Variants in HDAC1 observed in about 807,000 individuals in gnomAD.
HDAC1 encodes protein deacetylase HDAC1.
Under a neutral mutation model 65.5 loss-of-function variants are expected in HDAC1, and 18 were observed. The observed-to-expected ratio is 0.27, with a 90% CI of 0.19 to 0.41. The LOEUF (loss-of-function observed/expected upper bound fraction) is 0.41. HDAC1 is among the 10% of genes least tolerant of loss of function. The pLI, the probability that HDAC1 is intolerant of heterozygous loss-of-function variation, is 1.00. For missense variants in HDAC1, 373 were observed against 625.2 expected, an observed-to-expected ratio of 0.60 and a Z score of 4.30; for synonymous variants, 211 against 227.9, an observed-to-expected ratio of 0.93 and a Z score of 0.67.
At chr1:32,318,145 C>T (rs1641089581) in intron 3 of HDAC1, among the ~76,000 whole-genome samples, 1 of 152,158 alleles carries the variant, frequency 6.6e-6, no homozygotes, top group Admixed American at 6.6e-5. Context: ...TTTTAGGTTT[C>T]TCCATGTTAG....
intron 2 of HDAC1, among the ~76,000 whole-genome samples, chr1:32,310,011 C>T (rs551330533): frequency 6.6e-6 from 1 of 152,242 alleles, no homozygotes; most frequent in African/African-American, 2.4e-5. Flanking sequence ...GAGATCAATT[C>T]AGTCTCTCAA....
chr1:32,305,532 TTACTA>T (rs918414807), intron 2 of HDAC1, among the ~76,000 whole-genome samples: 4 of 152,284 alleles, frequency 2.6e-5, no homozygotes, highest in South Asian at 2.1e-4. Context: ...AAATGTTATC[TTACTA>T]TTATTTTAAT....
In HDAC1 at chr1:32,332,745, A is replaced by G; in HGVS notation, c.1417A>G (p.Lys473Glu). ...AACCAAGGAGGAGAAGCCAGAAGCC[A>G]AAGGGTGAGGAAGGAGCTGCCTGTG... is the stretch of plus-strand genomic sequence containing the variant. ...EKTKEEKPEAKGVKEEVKLA is the reference protein window; with the variant it reads ...EKTKEEKPEAEGVKEEVKLA The change falls in exon 13 of 14, where the codon AAA becomes GAA. Residue 473 changes from lysine (K) to glutamate (E), a missense_variant. Physicochemically the swap from Lys to Glu is moderately conservative, Grantham distance 56. Transcript: ENST00000373548. 1 of 1,554,738 alleles carries G rather than the reference A, an allele frequency of 6.4e-7. No individual in the cohort carries two copies.
intron 3 of HDAC1, among the ~76,000 whole-genome samples, chr1:32,318,236 A>G (rs1252681823): frequency 1.3e-5 from 2 of 152,146 alleles, no homozygotes; most frequent in African/African-American, 4.8e-5. Flanking sequence ...GGCCTGAGCC[A>G]CTGTGCCCGA....
At chr1:32,332,921 A>C in intron 13 of HDAC1, 96 bp from the exon 14 acceptor site, 1 of 1,343,274 alleles carries the variant, frequency 7.4e-7, no homozygotes, top group South Asian at 1.2e-5. Flanking sequence ...CCCAGCCCCC[A>C]GTAGTCACCT....
At chr1:32,315,155 G>T (rs571417728) in intron 2 of HDAC1, among the ~76,000 whole-genome samples, 2 of 152,198 alleles carry the variant, frequency 1.3e-5, no homozygotes, top group African/African-American at 4.8e-5. Context: ...AGGGAAGGAG[G>T]AGTCAGAATG....
intron 12 of HDAC1, 34 bp from the exon 13 acceptor site, chr1:32,332,667 T>C: frequency 6.5e-7 from 1 of 1,532,458 alleles, no homozygotes; most frequent in Non-Finnish European, 8.9e-7. Flanking sequence ...CCAGAGGTGC[T>C]GCCCTTGGCC....
Position 32,330,062 on chromosome 1 carries a change from A to G in HDAC1, c.730-516A>G, listed in dbSNP as rs765080040. ...ACAGTAAGAAACTGCTTAACCTAAT[A>G]AGGTCAGGTAGTCATTCAGCAAACA... On this transcript the variant is annotated intron_variant, in intron 7 of 13. Transcript: ENST00000373548. This position sits in a 1 kb window ranked among gnomAD's most constrained non-coding sequence, Gnocchi z 4.2. 1.9e-5 allele frequency: 3 copies of G among 162,122 alleles called. No homozygotes were observed. Among genetic ancestry groups the G allele is most frequent in the Admixed American group, 5.6e-5 (1 of 17,732 alleles). The allele number at this position is 162,122 out of a possible 1,614,324, so 10.0% of individuals were successfully genotyped here.
At chr1:32,332,591 T>C (rs1376400919) in intron 12 of HDAC1, 110 bp from the exon 13 acceptor site, 4 of 798,536 alleles carry the variant, frequency 5.0e-6, no homozygotes, top group Non-Finnish European at 4.1e-6. Flanking sequence ...TTTTCTCTCT[T>C]TATGTCCAGT....
At chr1:32,297,631 G>GC (rs1640785936) in intron 1 of HDAC1, among the ~76,000 whole-genome samples, 1 of 152,114 alleles carries the variant, frequency 6.6e-6, no homozygotes, top group Non-Finnish European at 1.5e-5. Context: ...TTGCGGGGGG[G>GC]ACGGAGTCTT....
At chr1:32,300,387 C>T (rs1330739920) in intron 1 of HDAC1, among the ~76,000 whole-genome samples, 1 of 151,850 alleles carries the variant, frequency 6.6e-6, no homozygotes, top group Non-Finnish European at 1.5e-5. Context: ...TGAAACCCCA[C>T]CTCTACTAAA....
intron 13 of HDAC1, 107 bp from the exon 14 acceptor site, chr1:32,332,910 C>CCCCAG: frequency 7.9e-7 from 1 of 1,262,796 alleles, no homozygotes; most frequent in Non-Finnish European, 1.1e-6. Flanking sequence ...GAGCTAGGAG[C>CCCCAG]CCCAGCCCCC....
rs190684993 is a variant in HDAC1 at position 32,309,316 on chromosome 1, C to G, written c.162+6583C>G. Reference sequence around the variant, plus strand: ...GGTAGCATTTCAGAGAGTTACTTAACTGAGATTCTGAGAGGTCAAGGACAG... The same window carrying G: ...GGTAGCATTTCAGAGAGTTACTTAAGTGAGATTCTGAGAGGTCAAGGACAG... On this transcript the variant is annotated intron_variant, in intron 2 of 13. Transcript: ENST00000373548. Among the ~76,000 whole-genome samples the G allele has an allele frequency of 3.3e-5, 5 of 152,290 alleles. 1 individual carries two copies. In the East Asian group the frequency reaches 7.7e-4, roughly 24 times the overall value.
chr1:32,329,079 T>G lies in HDAC1; in HGVS notation c.648T>G (p.Ala216=). The part of the protein sequence containing the change: ...PGTGDLRDIG[A]GKGKYYAVNY... ...GCCTTTTTAATTAGGATATCGGGGCTGGCAAAGGCAAGTATTATGCTGTTA... is the reference window on the plus strand; with the variant it reads ...GCCTTTTTAATTAGGATATCGGGGCGGGCAAAGGCAAGTATTATGCTGTTA... The change falls in exon 7 of 14, where the codon GCT becomes GCG. Residue 216 remains alanine (A), a synonymous_variant. Transcript: ENST00000373548. This position sits in a 1 kb window ranked among gnomAD's most constrained non-coding sequence, Gnocchi z 4.1. 4 of 1,606,206 alleles carry G rather than the reference T, an allele frequency of 2.5e-6. No homozygotes were observed. Among genetic ancestry groups the G allele is most frequent in the Non-Finnish European group, 3.4e-6 (4 of 1,172,936 alleles).
chr1:32,292,253 G>A, intron 1 of HDAC1, 35 bp downstream of exon 1: 1 of 1,547,008 alleles, frequency 6.5e-7, no homozygotes, highest in Non-Finnish European at 8.7e-7. Context: ...GCGGGGCCAG[G>A]CCGGGCCGGA....
chr1:32,327,538 A>G lies in HDAC1; in HGVS notation c.497A>G (p.Tyr166Cys), dbSNP rs1557611534. 2.5e-6 allele frequency: 4 copies of G among 1,612,614 alleles called. No homozygotes were observed. The highest frequency in any genetic ancestry group is 3.4e-6 in the Non-Finnish European group (4 of 1,179,322). ...IVLAILELLK[Y>C]HQRVLYIDID... ...CCCTGACCCCCTTCTGATCCTAGGT[A>G]TCACCAGAGGGTGCTGTACATTGAC... The change falls in exon 6 of 14, where the codon TAT becomes TGT. Residue 166 changes from tyrosine (Y) to cysteine (C), a missense_variant and splice_region_variant. Transcript: ENST00000373548. This position sits in a 1 kb window ranked among gnomAD's most constrained non-coding sequence, Gnocchi z 6.0.
In HDAC1 at chr1:32,332,183, A is replaced by G; in HGVS notation, c.1313A>G (p.Lys438Arg). Reference sequence around the variant, plus strand: ...GGCCGCAAGAACTCTTCCAACTTCAAAAAAGCCAAGAGAGTCAAAACAGAG... The same window carrying G: ...GGCCGCAAGAACTCTTCCAACTTCAGAAAAGCCAAGAGAGTCAAAACAGAG... ...EGGRKNSSNF[K>R]KAKRVKTEDE... Residue 438 changes from lysine to arginine, a missense_variant, in exon 12 of 14, where the codon AAA becomes AGA. Coordinates refer to ENST00000373548, the MANE Select transcript of HDAC1 (RefSeq NM_004964.3). The G allele has an allele frequency of 2.5e-6, 4 of 1,613,786 alleles. No homozygotes were observed. Among genetic ancestry groups the G allele is most frequent in the East Asian group, 2.2e-5 (1 of 44,882 alleles).
chr1:32,304,395 A>C (rs1388187296), intron 2 of HDAC1, among the ~76,000 whole-genome samples: 1 of 151,744 alleles, frequency 6.6e-6, no homozygotes, highest in African/African-American at 2.4e-5. Flanking sequence ...ATTTTTAGGT[A>C]CTCTAGGGAG....
rs559431042 is a variant in HDAC1, at chr1:32,330,519, C to T, written c.730-59C>T. ...GGGAAAGTGTTGCACCCAGCCTTTC[C>T]ACTCCAAACCTCGTATTGCTTTCTT... On this transcript the variant is annotated intron_variant, in intron 7 of 13. Coordinates refer to ENST00000373548, the MANE Select transcript of HDAC1 (RefSeq NM_004964.3). This position sits in a 1 kb window ranked among gnomAD's most constrained non-coding sequence, Gnocchi z 4.2. The T allele has an allele frequency of 1.7e-6, 2 of 1,193,606 alleles. No individual in the cohort carries two copies. The highest frequency in any genetic ancestry group is 2.3e-5 in the East Asian group (1 of 42,832). The allele number at this position is 1,193,606 out of a possible 1,614,324, so 73.9% of individuals were successfully genotyped here.
Sources: allele counts gnomAD v4.1 joint callset (sites outside exome capture counted in the v4.1 genomes callset), GRCh38; gene constraint gnomAD v4.1.1; non-coding constraint Gnocchi (gnomAD v3.1); transcripts MANE v1.5; gene names NCBI Gene and HGNC (gene_info 2026-07-23, HGNC 2026-07-21).